Variants in MUSK observed in about 807,000 individuals in gnomAD.
MUSK encodes muscle, skeletal receptor tyrosine-protein kinase.
MUSK carries 55 observed loss-of-function variants against 88.7 expected under a neutral mutation model. The ratio of observed to expected loss-of-function variants is 0.62; its 90% CI spans 0.50 to 0.78. MUSK has a LOEUF of 0.78. MUSK is among the 30% of genes least tolerant of loss of function. The pLI is 0.00. For missense variants in MUSK, 1,015 were observed against 1,074.3 expected (o/e 0.94, Z 0.77); for synonymous variants, 387 against 391.9 (o/e 0.99, Z 0.15).
intron 1 of MUSK, among the ~76,000 whole-genome samples, chr9:110,672,080 A>C (rs933629328): frequency 5.3e-5 from 8 of 152,214 alleles, no homozygotes; most frequent in African/African-American, 1.9e-4. Context: ...TCCTGGATGA[A>C]TATTTTATAT....
intron 3 of MUSK, among the ~76,000 whole-genome samples, chr9:110,694,112 C>T (rs2076394232): frequency 6.6e-6 from 1 of 151,568 alleles, no homozygotes. Context: ...AGGTCTCACG[C>T]CTGTAATCCC....
At chr9:110,785,506 T>A in intron 12 of MUSK, 21 bp from the exon 13 acceptor site, 1 of 1,567,114 alleles carries the variant, frequency 6.4e-7, no homozygotes. Context: ...TCATTCCTGA[T>A]CTTGCCTGTC....
At chr9:110,690,215 T>C (rs1384147280) in intron 3 of MUSK, among the ~76,000 whole-genome samples, 4 of 69,502 alleles carry the variant, frequency 5.8e-5, no homozygotes, top group African/African-American at 2.0e-4. Flanking sequence ...TAAATATATA[T>C]TTAAGTATAA....
At chr9:110,766,211 A>G (rs2131949043) in intron 8 of MUSK, among the ~76,000 whole-genome samples, 1 of 152,280 alleles carries the variant, frequency 6.6e-6, no homozygotes, top group South Asian at 2.1e-4. Context: ...CTAGTGTCTA[A>G]GGTTTGCCTG....
At chr9:110,763,067 CAT>C (rs2077424809) in intron 8 of MUSK, among the ~76,000 whole-genome samples, 1 of 151,958 alleles carries the variant, frequency 6.6e-6, no homozygotes, top group Non-Finnish European at 1.5e-5. Flanking sequence ...TTTAAAACAT[CAT>C]GTGGTACACA....
chr9:110,803,567 A>T lies in MUSK; in HGVS notation c.*2579A>T, dbSNP rs567977972. On this transcript the variant is annotated 3_prime_UTR_variant, in exon 15 of 15. Transcript: ENST00000374448. ...TCTGTGGAAGTGATTTGTAATTTGC[A>T]TGTCGTTTCAAGCACACTCTATATC... 6.6e-6 allele frequency among the ~76,000 whole-genome samples: 1 copy of T among 152,226 alleles called. No individual in the cohort carries two copies. Among genetic ancestry groups the T allele is most frequent in the Non-Finnish European group, 1.5e-5 (1 of 68,044 alleles).
chr9:110,752,799 T>G (rs1371504547), intron 7 of MUSK, among the ~76,000 whole-genome samples: 1 of 152,230 alleles, frequency 6.6e-6, no homozygotes, highest in Non-Finnish European at 1.5e-5. Context: ...TCCAAAACCC[T>G]TCCATGTGTC....
intron 7 of MUSK, among the ~76,000 whole-genome samples, chr9:110,751,955 T>C (rs530414220): frequency 1.3e-5 from 2 of 152,278 alleles, no homozygotes; most frequent in South Asian, 4.1e-4. Flanking sequence ...ATATGATAAA[T>C]GAGAAACATG....
intron 11 of MUSK, 74 bp downstream of exon 11, chr9:110,776,729 T>C (rs1451086260): frequency 3.1e-6 from 4 of 1,272,508 alleles, no homozygotes. Context: ...TTTACACTTA[T>C]ATTTCCTGAT....
chr9:110,736,624 T>C (rs570376763), intron 6 of MUSK, among the ~76,000 whole-genome samples: 1 of 152,120 alleles, frequency 6.6e-6, no homozygotes, highest in Non-Finnish European at 1.5e-5. Flanking sequence ...GAGGTGCCAC[T>C]GTAGGTCTGT....
intron 7 of MUSK, among the ~76,000 whole-genome samples, chr9:110,751,905 A>G (rs1355356878): frequency 6.6e-6 from 1 of 152,214 alleles, no homozygotes; most frequent in Non-Finnish European, 1.5e-5. Flanking sequence ...TTGTTACTCG[A>G]AAACTGAAAA....
At chr9:110,770,847 G>A (rs2077562621) in intron 9 of MUSK, among the ~76,000 whole-genome samples, 1 of 151,774 alleles carries the variant, frequency 6.6e-6, no homozygotes, top group African/African-American at 2.4e-5. Context: ...AGGCTAGAAT[G>A]TCCATAAAAC....
chr9:110,697,511 C>T (rs1277743653), intron 5 of MUSK, 45 bp downstream of exon 5: 1 of 1,585,766 alleles, frequency 6.3e-7, no homozygotes, highest in East Asian at 2.3e-5. Context: ...CCAGGGGCCT[C>T]ACTGTCTACT....
At chr9:110,708,967 A>G (rs1476959654) in intron 5 of MUSK, among the ~76,000 whole-genome samples, 1 of 152,216 alleles carries the variant, frequency 6.6e-6, no homozygotes, top group African/African-American at 2.4e-5. Flanking sequence ...GTTTTCAGAT[A>G]TTAAAATGAG....
intron 5 of MUSK, among the ~76,000 whole-genome samples, chr9:110,729,588 G>A (rs1265852586): frequency 1.3e-5 from 2 of 151,564 alleles, no homozygotes; most frequent in Admixed American, 6.6e-5. Flanking sequence ...ATTAAATACA[G>A]GTAAAAAAGC....
intron 5 of MUSK, among the ~76,000 whole-genome samples, chr9:110,701,697 T>C (rs1314009630): frequency 0.33 from 26 of 80 alleles, 4 homozygotes; most frequent in Non-Finnish European, 0.4. Flanking sequence ...TTACTTTATT[T>C]TATTTTATTT....
At chr9:110,695,706 G>C (rs2076422524) in intron 4 of MUSK, among the ~76,000 whole-genome samples, 176 bp downstream of exon 4, 1 of 151,910 alleles carries the variant, frequency 6.6e-6, no homozygotes, top group African/African-American at 2.4e-5. Context: ...ATTTCATTTG[G>C]GTCTGGCTAG....
intron 7 of MUSK, among the ~76,000 whole-genome samples, chr9:110,758,056 T>G (rs2077349282): frequency 2.0e-5 from 3 of 149,050 alleles, no homozygotes; most frequent in Admixed American, 6.7e-5. Flanking sequence ...AGCCTCTGCC[T>G]GAGCTCAAGA....
chr9:110,798,804 A>G (rs2078050717), intron 14 of MUSK, among the ~76,000 whole-genome samples: 1 of 152,192 alleles, frequency 6.6e-6, no homozygotes, highest in Admixed American at 6.5e-5. Context: ...ATATACATAT[A>G]TAATTGTAAA....
Sources: gnomAD v4.1 joint callset for allele counts (sites outside exome capture counted in the v4.1 genomes callset) on GRCh38, gnomAD v4.1.1 for gene constraint, MANE v1.5 for transcripts, NCBI Gene and HGNC (gene_info 2026-07-23, HGNC 2026-07-21) for gene names.